Variants in TBX4 observed in about 807,000 individuals in gnomAD.
TBX4 encodes the protein T-box transcription factor 4.
A neutral mutation model predicts 54.6 loss-of-function variants in TBX4; 13 were observed. The observed-to-expected ratio is 0.24, with a 90% CI of 0.15 to 0.38. The LOEUF (loss-of-function observed/expected upper bound fraction) is 0.38, where lower values mean the gene tolerates loss of function less well. Among genes scored for constraint, TBX4 ranks in the 10% least tolerant of loss-of-function variants. The probability of loss-of-function intolerance (pLI) is 1.00; values close to 1 mark genes in which losing one functional copy is unlikely to be tolerated. For synonymous variants in TBX4, 314 were observed against 306.7 expected (o/e 1.02, Z -0.25); for missense variants, 631 against 728.5 (o/e 0.87, Z 1.54).
chr17:61,460,582 G>A lies in TBX4; in HGVS notation c.281+2951G>A, dbSNP rs373042171. ...TGGGGGCCACAGCCCTCCGCAGCCC[G>A]TCTCAGTCTCTTGGGTCTCTGTGTC... On this transcript the variant is annotated intron_variant, in intron 3 of 8. Coordinates refer to ENST00000644296, the MANE Select transcript of TBX4 (RefSeq NM_001321120.2). The surrounding 1 kb of genome is among the most constrained non-coding windows in gnomAD (Gnocchi z 4.4). 1.3e-4 allele frequency among the ~76,000 whole-genome samples: 20 copies of A among 152,240 alleles called. No homozygotes were observed. Among genetic ancestry groups the A allele is most frequent in the East Asian group, 9.7e-4 (5 of 5,178 alleles).
intron 5 of TBX4, among the ~76,000 whole-genome samples, chr17:61,470,842 A>G (rs1442830671): frequency 6.6e-6 from 1 of 152,218 alleles, no homozygotes; most frequent in Non-Finnish European, 1.5e-5. Context: ...GAGATGGGAA[A>G]GGAAACTGCT....
At chr17:61,467,773 G>T in intron 5 of TBX4, 116 bp downstream of exon 5, 1 of 1,352,300 alleles carries the variant, frequency 7.4e-7, no homozygotes. Context: ...AGGCTTTGGC[G>T]CTCACTGACC....
intron 1 of TBX4, among the ~76,000 whole-genome samples, chr17:61,455,098 C>A (rs1467843620): frequency 6.6e-6 from 1 of 152,234 alleles, no homozygotes; most frequent in African/African-American, 2.4e-5. Context: ...AGGCTGTGGC[C>A]GAAGACTGGT....
At chr17:61,470,634 G>A (rs780995264) in intron 5 of TBX4, among the ~76,000 whole-genome samples, 1 of 152,218 alleles carries the variant, frequency 6.6e-6, no homozygotes, top group Admixed American at 6.5e-5. Context: ...TTCAGACCTG[G>A]GCGTCAGCTC....
chr17:61,453,896 T>C lies in TBX4; in HGVS notation c.-4+1319T>C, dbSNP rs1460736018. On this transcript the variant is annotated intron_variant, in intron 1 of 8. Coordinates refer to ENST00000644296, the MANE Select transcript of TBX4 (RefSeq NM_001321120.2). ...ACAAGTTATGGTAAACAAGAAGTTATTGAAACAGCGTGACAAAGTATAATC... is the reference window on the plus strand; with the variant it reads ...ACAAGTTATGGTAAACAAGAAGTTACTGAAACAGCGTGACAAAGTATAATC... Among the ~76,000 whole-genome samples, 4 of 152,234 alleles carry C rather than the reference T, an allele frequency of 2.6e-5. No homozygotes were observed. The East Asian group carries it at 7.7e-4, about 29-fold the overall frequency.
In TBX4 at chr17:61,464,451, T is replaced by A. The variant is rs1005963324; in HGVS notation, c.282-1368T>A. ...CTGGTGACAAAATAGGGGCCTCTGA[T>A]CAGCTGTTTGTGGCATCTTGGACAG... On this transcript the variant is annotated intron_variant, in intron 3 of 8. Transcript: ENST00000644296. This position sits in a 1 kb window ranked among gnomAD's most constrained non-coding sequence, Gnocchi z 5.8. The A allele has an allele frequency of 1.3e-5, 2 of 152,372 alleles. No homozygotes were observed. Among genetic ancestry groups the A allele is most frequent in the Non-Finnish European group, 2.9e-5 (2 of 68,152 alleles). The allele number at this position is 152,372 out of a possible 1,614,324, so 9.4% of individuals were successfully genotyped here.
rs1335703630 is a variant in TBX4, at chr17:61,465,389, C to T, written c.282-430C>T. Among the ~76,000 whole-genome samples, 1 of 152,158 alleles carries T rather than the reference C, an allele frequency of 6.6e-6. No homozygotes were observed. The highest frequency in any genetic ancestry group is 1.5e-5 in the Non-Finnish European group (1 of 68,034). ...GGTTTCCGTCCCCCTATAACTGCAC[C>T]CCAGAACTTCACTTGTGTGTGGGCT... is the stretch of plus-strand genomic sequence containing the variant. On this transcript the variant is annotated intron_variant, in intron 3 of 8. Coordinates refer to ENST00000644296, the MANE Select transcript of TBX4 (RefSeq NM_001321120.2). This position sits in a 1 kb window ranked among gnomAD's most constrained non-coding sequence, Gnocchi z 4.9.
rs1352495358 is a variant in TBX4 at position 61,459,483 on chromosome 17, T to C, written c.281+1852T>C. On this transcript the variant is annotated intron_variant, in intron 3 of 8. Transcript: ENST00000644296. The surrounding 1 kb of genome is among the most constrained non-coding windows in gnomAD (Gnocchi z 4.8). The stretch of plus-strand genomic sequence containing the variant: ...TAGGCAGCAGAAATAACCTTGTCTC[T>C]TGAAAATAACTGGCCAGCATGTTCT... 6.6e-6 allele frequency among the ~76,000 whole-genome samples: 1 copy of C among 152,250 alleles called. No homozygotes were observed. The highest frequency in any genetic ancestry group is 6.5e-5 in the Admixed American group (1 of 15,294).
rs35700401 is a variant in TBX4 at position 61,476,356 on chromosome 17, A to G, written c.550-2271A>G. Among the ~76,000 whole-genome samples, 11,774 of 152,290 alleles carry G rather than the reference A, an allele frequency of 0.077. 655 individuals are homozygous for G. The highest frequency in any genetic ancestry group is 0.11 in the Non-Finnish European group (7,481 of 68,008). On this transcript the variant is annotated intron_variant, in intron 5 of 8. Transcript: ENST00000644296. The surrounding 1 kb of genome is among the most constrained non-coding windows in gnomAD (Gnocchi z 6.5). ...TGGGAAAGGAAGATCGAGACAGCAG[A>G]GGGACCTGCATGTGCAAAGGTGCAC...
Position 61,472,235 on chromosome 17 carries a change from A to C in TBX4, c.549+4578A>C, listed in dbSNP as rs2060585363. Among the ~76,000 whole-genome samples, 1 of 152,204 alleles carries C rather than the reference A, an allele frequency of 6.6e-6. No individual in the cohort carries two copies. On this transcript the variant is annotated intron_variant, in intron 5 of 8. Coordinates refer to ENST00000644296, the MANE Select transcript of TBX4 (RefSeq NM_001321120.2). This position sits in a 1 kb window ranked among gnomAD's most constrained non-coding sequence, Gnocchi z 4.5. The stretch of plus-strand genomic sequence containing the variant: ...GGTACGTGGATTTGTAACTTTGAAA[A>C]TATCACCAAATTCCCCTCCATGGGA...
Position 61,478,332 on chromosome 17 carries a change from T to G in TBX4, c.550-295T>G. 2.1e-6 allele frequency: 1 copy of G among 466,202 alleles called. No homozygotes were observed. The highest frequency in any genetic ancestry group is 3.9e-6 in the Non-Finnish European group (1 of 253,430). 28.9% of individuals were successfully genotyped at this position (466,202 alleles called of 1,614,324 possible). ...GAGTTCACAGTGGGCTTTGACAGTGTTAAGGGCTGACTCAAGTTCTCCATT... is the reference window on the plus strand; with the variant it reads ...GAGTTCACAGTGGGCTTTGACAGTGGTAAGGGCTGACTCAAGTTCTCCATT... On this transcript the variant is annotated intron_variant, in intron 5 of 8. Transcript: ENST00000644296. The surrounding 1 kb of genome is among the most constrained non-coding windows in gnomAD (Gnocchi z 7.4).
At chr17:61,456,349 C>A in intron 1 of TBX4, 139 bp from the exon 2 acceptor site, 1 of 1,177,228 alleles carries the variant, frequency 8.5e-7, no homozygotes, top group Non-Finnish European at 1.2e-6. Context: ...CCTCCTCCAG[C>A]TCAGGAGGGG....
chr17:61,455,566 A>G (rs2060441547), intron 1 of TBX4, among the ~76,000 whole-genome samples: 1 of 152,244 alleles, frequency 6.6e-6, no homozygotes, highest in African/African-American at 2.4e-5. Flanking sequence ...CAGCCAAGAC[A>G]GCCGAAGAAA....
At position 61,459,106 on chromosome 17, in the gene TBX4, A is replaced by T. The variant is rs991178734; in HGVS notation, c.281+1475A>T. Among the ~76,000 whole-genome samples, 1 of 152,212 alleles carries T rather than the reference A, an allele frequency of 6.6e-6. No homozygotes were observed. The highest frequency in any genetic ancestry group is 1.5e-5 in the Non-Finnish European group (1 of 68,032). On this transcript the variant is annotated intron_variant, in intron 3 of 8. Coordinates refer to ENST00000644296, the MANE Select transcript of TBX4 (RefSeq NM_001321120.2). The surrounding 1 kb of genome is among the most constrained non-coding windows in gnomAD (Gnocchi z 4.8). The stretch of plus-strand genomic sequence containing the variant: ...GGCTTGAGCTTGCTGTATTTTGGGG[A>T]TGGAGATAGGGAAGGAAGACACATG...
At chr17:61,458,460 C>T (rs1195081296) in intron 3 of TBX4, among the ~76,000 whole-genome samples, 1 of 152,142 alleles carries the variant, frequency 6.6e-6, no homozygotes, top group East Asian at 1.9e-4. Context: ...CACATACACA[C>T]ACTTGATTTC....
rs889766696 is a variant in TBX4 at position 61,461,630 on chromosome 17, A to C, written c.281+3999A>C. On this transcript the variant is annotated intron_variant, in intron 3 of 8. Transcript: ENST00000644296. The surrounding 1 kb of genome is among the most constrained non-coding windows in gnomAD (Gnocchi z 5.1). Reference sequence around the variant, plus strand: ...GTGGAACATTCCTACAGAAGAGTCCACAGGTCTTAAGGGTGCAGCTTTACA... The same window carrying C: ...GTGGAACATTCCTACAGAAGAGTCCCCAGGTCTTAAGGGTGCAGCTTTACA... Among the ~76,000 whole-genome samples, 1 of 152,232 alleles carries C rather than the reference A, an allele frequency of 6.6e-6. No homozygotes were observed. Among genetic ancestry groups the C allele is most frequent in the African/African-American group, 2.4e-5 (1 of 41,456 alleles).
intron 1 of TBX4, chr17:61,452,935 T>C (rs1016746454): frequency 2.0e-6 from 2 of 985,398 alleles, no homozygotes; most frequent in Non-Finnish European, 2.4e-6. Flanking sequence ...TTGCAGAATA[T>C]GCAAGGCCAA....
chr17:61,466,937 C>T (rs754599024), intron 4 of TBX4, among the ~76,000 whole-genome samples: 10 of 152,246 alleles, frequency 6.6e-5, no homozygotes, highest in African/African-American at 9.6e-5. Context: ...AGGAGGATGA[C>T]TTGAAGGTCA....
chr17:61,477,938 T>G, intron 5 of TBX4, among the ~76,000 whole-genome samples: 1 of 70,510 alleles, frequency 1.4e-5, no homozygotes, highest in African/African-American at 6.8e-5. Flanking sequence ...TGAGATTCCA[T>G]CTCAAAAAAA....
Sources: gnomAD v4.1 joint callset for allele counts (sites outside exome capture counted in the v4.1 genomes callset) on GRCh38, gnomAD v4.1.1 for gene constraint, Gnocchi (gnomAD v3.1) non-coding constraint, MANE v1.5 for transcripts, NCBI Gene and HGNC (gene_info 2026-07-23, HGNC 2026-07-21) for gene names.